SLC35F1: variants seen among roughly 807,000 people sequenced by gnomAD.
SLC35F1 encodes the protein solute carrier family 35 member F1.
Under a neutral mutation model 48.7 loss-of-function variants are expected in SLC35F1, and 14 were observed. The ratio of observed to expected loss-of-function variants is 0.29; its 90% confidence interval spans 0.19 to 0.45. The LOEUF (loss-of-function observed/expected upper bound fraction) is 0.45. Among genes scored for constraint, SLC35F1 ranks in the 20% least tolerant of loss-of-function variants. The probability of loss-of-function intolerance (pLI) is 1.00; values close to 1 mark genes in which losing one functional copy is unlikely to be tolerated. For synonymous variants in SLC35F1, 190 were observed against 202.2 expected (o/e 0.94, Z 0.51); for missense variants, 404 against 500.0 (o/e 0.81, Z 1.83).
intron 5 of SLC35F1, 25 bp from the exon 6 acceptor site, chr6:118,277,469 A>C (rs773730478): frequency 1.2e-6 from 2 of 1,609,660 alleles, no homozygotes; most frequent in Non-Finnish European, 1.7e-6. Context: ...CTTGCTCATC[A>C]GGTTCATTTC....
intron 1 of SLC35F1, among the ~76,000 whole-genome samples, chr6:117,958,714 A>G (rs1776458004): frequency 6.6e-6 from 1 of 152,216 alleles, no homozygotes; most frequent in Non-Finnish European, 1.5e-5. Flanking sequence ...ATGTAAGTAC[A>G]TTCTATGATG....
intron 7 of SLC35F1, among the ~76,000 whole-genome samples, chr6:118,300,675 A>C (rs1386066467): frequency 6.6e-6 from 1 of 152,198 alleles, no homozygotes; most frequent in Non-Finnish European, 1.5e-5. Context: ...AAATATGAAC[A>C]AAAAAGTCTA....
intron 1 of SLC35F1, among the ~76,000 whole-genome samples, chr6:118,022,987 T>C (rs1476992812): frequency 1.3e-5 from 2 of 152,118 alleles, no homozygotes; most frequent in Non-Finnish European, 2.9e-5. Context: ...CTCGATCTCC[T>C]GATCTCATGA....
chr6:118,176,418 C>A (rs577607474), intron 2 of SLC35F1, among the ~76,000 whole-genome samples: 20 of 152,100 alleles, frequency 1.3e-4, no homozygotes, highest in Non-Finnish European at 2.4e-4. Flanking sequence ...AAGCCTCAAA[C>A]CCTTGGGCTC....
chr6:118,306,667 C>T (rs1204711550), intron 7 of SLC35F1, among the ~76,000 whole-genome samples: 3 of 152,158 alleles, frequency 2.0e-5, no homozygotes, highest in Non-Finnish European at 2.9e-5. Flanking sequence ...GTAACTGAGC[C>T]TATAATTAAA....
At chr6:118,048,094 G>A (rs376726463) in intron 1 of SLC35F1, among the ~76,000 whole-genome samples, 436 of 152,258 alleles carry the variant, frequency 2.9e-3, no homozygotes, top group Non-Finnish European at 4.7e-3. Context: ...AGCATGAAGC[G>A]TTGTTGATTT....
chr6:118,152,473 G>C (rs188223159), intron 1 of SLC35F1, among the ~76,000 whole-genome samples: 2 of 152,128 alleles, frequency 1.3e-5, no homozygotes, highest in African/African-American at 2.4e-5. Context: ...GCAATCTTTC[G>C]GGGTGGTTCA....
chr6:118,124,574 T>G (rs1009423431), intron 1 of SLC35F1, among the ~76,000 whole-genome samples: 2 of 152,146 alleles, frequency 1.3e-5, no homozygotes, highest in African/African-American at 4.8e-5. Flanking sequence ...ACCTACTGAC[T>G]GAGGTCATAG....
At chr6:117,936,578 T>C (rs953153538) in intron 1 of SLC35F1, among the ~76,000 whole-genome samples, 2 of 152,224 alleles carry the variant, frequency 1.3e-5, no homozygotes, top group African/African-American at 2.4e-5. Flanking sequence ...AAATTTCTGT[T>C]CATCAATTCC....
At chr6:117,920,968 C>T in intron 1 of SLC35F1, among the ~76,000 whole-genome samples, 1 of 151,888 alleles carries the variant, frequency 6.6e-6, no homozygotes, top group Non-Finnish European at 1.5e-5. Flanking sequence ...TGTTATTTCT[C>T]AAATAATGAA....
intron 3 of SLC35F1, among the ~76,000 whole-genome samples, chr6:118,261,972 T>C (rs1775718471): frequency 6.6e-6 from 1 of 151,962 alleles, no homozygotes; most frequent in Non-Finnish European, 1.5e-5. Flanking sequence ...AGACTTAGAG[T>C]TGTGAACTCT....
intron 2 of SLC35F1, among the ~76,000 whole-genome samples, chr6:118,159,517 G>A (rs929952937): frequency 2.0e-5 from 3 of 152,138 alleles, no homozygotes; most frequent in Non-Finnish European, 2.9e-5. Flanking sequence ...TTCCAAAAAC[G>A]TATGCGTTTG....
At chr6:118,060,464 A>T (rs1443310037) in intron 1 of SLC35F1, among the ~76,000 whole-genome samples, 1 of 151,980 alleles carries the variant, frequency 6.6e-6, no homozygotes, top group Non-Finnish European at 1.5e-5. Context: ...AATGATTTAA[A>T]ATTATCCCTT....
chr6:118,178,110 C>T (rs1034632918), intron 2 of SLC35F1, among the ~76,000 whole-genome samples: 16 of 152,144 alleles, frequency 1.1e-4, no homozygotes, highest in African/African-American at 3.6e-4. Flanking sequence ...AATCAGGTCT[C>T]CATCACTGCT....
chr6:118,252,300 G>A (rs1041270742), intron 3 of SLC35F1, among the ~76,000 whole-genome samples: 4 of 152,052 alleles, frequency 2.6e-5, no homozygotes, highest in South Asian at 4.1e-4. Context: ...GCTAACTGTC[G>A]ATGTGGATAG....
chr6:118,215,436 A>C (rs1002441920), intron 2 of SLC35F1, among the ~76,000 whole-genome samples: 1 of 152,186 alleles, frequency 6.6e-6, no homozygotes, highest in African/African-American at 2.4e-5. Context: ...GCCTGCATAG[A>C]TAAGACGGTC....
rs564520647 is a variant in SLC35F1 at position 118,151,385 on chromosome 6, G to C, written c.174-3060G>C. On this transcript the variant is annotated intron_variant, in intron 1 of 7. Coordinates refer to ENST00000360388, the MANE Select transcript of SLC35F1 (RefSeq NM_001029858.4). The stretch of plus-strand genomic sequence containing the variant: ...TGATCCCATGCTACTAATGCTGCTG[G>C]ATCATTTGGAAGTTCATCTGGCAAC... Among the ~76,000 whole-genome samples, 7 of 152,224 alleles carry C rather than the reference G, an allele frequency of 4.6e-5. No homozygotes were observed. In the East Asian group the frequency reaches 5.8e-4, roughly 13 times the overall value.
chr6:118,006,081 A>G (rs1335529315), intron 1 of SLC35F1, among the ~76,000 whole-genome samples: 1 of 152,230 alleles, frequency 6.6e-6, no homozygotes, highest in Admixed American at 6.5e-5. Context: ...ATGAGATAAT[A>G]TGTCAAGTAC....
At chr6:118,072,719 G>A (rs1432235766) in intron 1 of SLC35F1, among the ~76,000 whole-genome samples, 8 of 152,102 alleles carry the variant, frequency 5.3e-5, no homozygotes, top group East Asian at 1.9e-4. Flanking sequence ...ATTTGAAAGC[G>A]AATTGGGAGT....
Sources: allele counts gnomAD v4.1 joint callset (sites outside exome capture counted in the v4.1 genomes callset), GRCh38; gene constraint gnomAD v4.1.1; transcripts MANE v1.5; gene names NCBI Gene and HGNC (gene_info 2026-07-23, HGNC 2026-07-21).